The following DRC10 variants were observed in gnomAD, a reference collection of about 807,000 sequenced individuals.
DRC10 encodes the protein IQ domain-containing protein D.
the DRC10 span, chr12:113,195,586 C>T: frequency 2.5e-6 from 4 of 1,596,110 alleles, no homozygotes; most frequent in East Asian, 4.5e-5. Context: ...CATTTCTTGC[C>T]CTTGCCCTTC....
chr12:113,215,905 C>T, the DRC10 span, among the ~76,000 whole-genome samples: 1 of 152,202 alleles, frequency 6.6e-6, no homozygotes, highest in Non-Finnish European at 1.5e-5. Context: ...GAAACTCTGT[C>T]ATTGCTGGTG....
chr12:113,202,990 A>G, the DRC10 span: 9 of 450,524 alleles, frequency 2.0e-5, no homozygotes, highest in East Asian at 6.3e-4. Flanking sequence ...TATGTGTGCA[A>G]TATGACAATT....
chr12:113,218,490 A>G, the DRC10 span, among the ~76,000 whole-genome samples: 3 of 151,122 alleles, frequency 2.0e-5, no homozygotes, highest in Non-Finnish European at 4.4e-5. Flanking sequence ...CACGCAGGCT[A>G]GAGTGCAGCA....
the DRC10 span, chr12:113,200,266 C>A: frequency 2.1e-5 from 11 of 519,372 alleles, no homozygotes; most frequent in African/African-American, 3.8e-5. Flanking sequence ...TGGGTATTAT[C>A]CCTGTGGGGT....
the DRC10 span, among the ~76,000 whole-genome samples, chr12:113,204,033 G>A: frequency 4.6e-5 from 7 of 152,172 alleles, no homozygotes; most frequent in East Asian, 1.4e-3. Flanking sequence ...TTGAGCCCAG[G>A]AGTTCGAAAC....
the DRC10 span, chr12:113,208,021 G>T: frequency 6.2e-7 from 1 of 1,614,076 alleles, no homozygotes; most frequent in South Asian, 1.1e-5. Flanking sequence ...GATCCTTTTG[G>T]CCTCAATGGT....
the DRC10 span, among the ~76,000 whole-genome samples, chr12:113,199,007 G>A: frequency 0.015 from 2,283 of 151,676 alleles, 43 homozygotes; most frequent in African/African-American, 0.052. Flanking sequence ...GTGTGATCTC[G>A]GTTCACCGCA....
At chr12:113,202,175 G>A in the DRC10 span, among the ~76,000 whole-genome samples, 2 of 152,186 alleles carry the variant, frequency 1.3e-5, no homozygotes, top group Admixed American at 6.5e-5. Flanking sequence ...TATACATCAT[G>A]CCCCTCTTTT....
the DRC10 span, chr12:113,200,491 C>T: frequency 2.8e-6 from 3 of 1,055,988 alleles, no homozygotes; most frequent in East Asian, 7.8e-5. Flanking sequence ...CTGCCCAACA[C>T]TGCTGGACCT....
chr12:113,196,359 AGAG>A, the DRC10 span, among the ~76,000 whole-genome samples: 1,297 of 152,324 alleles, frequency 8.5e-3, 26 homozygotes, highest in East Asian at 0.056. Flanking sequence ...ACAAGACACC[AGAG>A]GAGAAGGAAC....
chr12:113,207,911 C>T, the DRC10 span: 2 of 1,614,216 alleles, frequency 1.2e-6, no homozygotes, highest in South Asian at 1.1e-5. Flanking sequence ...CTCATGACGT[C>T]CTCCCCCAGC....
chr12:113,216,831 C>T, the DRC10 span, among the ~76,000 whole-genome samples: 1 of 152,006 alleles, frequency 6.6e-6, no homozygotes, highest in Non-Finnish European at 1.5e-5. Context: ...GATTACAGGA[C>T]TTTGGGAGCA....
chr12:113,195,509 C>G, the DRC10 span: 1 of 1,497,580 alleles, frequency 6.7e-7, no homozygotes, highest in Non-Finnish European at 8.9e-7. Context: ...TTAGTGCTCT[C>G]CATCTCGGGC....
chr12:113,206,967 G>C, the DRC10 span, among the ~76,000 whole-genome samples: 72 of 152,142 alleles, frequency 4.7e-4, no homozygotes, highest in Non-Finnish European at 8.1e-4. Flanking sequence ...GGGTGAGATG[G>C]GAGGATTGCT....
chr12:113,202,072 C>T, the DRC10 span, among the ~76,000 whole-genome samples: 1 of 152,212 alleles, frequency 6.6e-6, no homozygotes, highest in Non-Finnish European at 1.5e-5. Context: ...CCACCTGTGT[C>T]CCTCTGCCTA....
At chr12:113,219,843 C>G in the DRC10 span, among the ~76,000 whole-genome samples, 1 of 151,994 alleles carries the variant, frequency 6.6e-6, no homozygotes, top group Non-Finnish European at 1.5e-5. Context: ...GAGTCTCGCT[C>G]TATCACCCAG....
At chr12:113,216,651 ACTCT>A in the DRC10 span, among the ~76,000 whole-genome samples, 1 of 151,986 alleles carries the variant, frequency 6.6e-6, no homozygotes, top group Admixed American at 6.6e-5. Context: ...GTATGTAGGA[ACTCT>A]CTCTACCTTT....
At chr12:113,209,766 T>C in the DRC10 span, among the ~76,000 whole-genome samples, 1 of 152,222 alleles carries the variant, frequency 6.6e-6, no homozygotes, top group Non-Finnish European at 1.5e-5. Flanking sequence ...ATACGGGAAC[T>C]CTCTGTACTA....
At chr12:113,195,795 G>A in the DRC10 span, 14 of 1,613,788 alleles carry the variant, frequency 8.7e-6, no homozygotes, top group African/African-American at 6.7e-5. Flanking sequence ...CCGGATCTGC[G>A]CAAACTCTCC....
Sources: gnomAD v4.1 joint callset for allele counts (sites outside exome capture counted in the v4.1 genomes callset) on GRCh38, gnomAD v4.1.1 for gene constraint, MANE v1.5 for transcripts, NCBI Gene and HGNC (gene_info 2026-07-23, HGNC 2026-07-21) for gene names.